The following FAM78B variants were observed in gnomAD, a reference collection of about 807,000 sequenced individuals.
FAM78B encodes protein FAM78B.
A neutral mutation model predicts 20.0 loss-of-function variants in FAM78B; 10 were observed. That is an observed-to-expected ratio of 0.50 (90% CI 0.31 to 0.85). The LOEUF (loss-of-function observed/expected upper bound fraction) is 0.85. FAM78B is among the 40% of genes least tolerant of loss of function. The pLI is 0.05. For synonymous variants in FAM78B, 135 were observed against 132.8 expected, an observed-to-expected ratio of 1.02 and a Z score of -0.12; for missense variants, 283 against 345.0, an observed-to-expected ratio of 0.82 and a Z score of 1.42.
At chr1:166,058,880 C>T (rs10800178) in exon 3 of FAM78B, 150,872 of 152,498 alleles carry the variant, frequency 0.99, 74,642 homozygotes, top group East Asian at 1. Context: ...GCATTGTGGA[C>T]CCAAATCCTA....
At chr1:166,084,385 G>T (rs1489138049) in intron 1 of FAM78B, among the ~76,000 whole-genome samples, 3 of 152,138 alleles carry the variant, frequency 2.0e-5, no homozygotes, top group Non-Finnish European at 4.4e-5. Flanking sequence ...TCCAAAGTGA[G>T]CCCTTTCACC....
At chr1:166,149,826 G>T (rs910698676) in intron 1 of FAM78B, among the ~76,000 whole-genome samples, 5 of 152,056 alleles carry the variant, frequency 3.3e-5, no homozygotes, top group Non-Finnish European at 5.9e-5. Context: ...CTGAGTGCAG[G>T]GTGATACTAG....
chr1:166,071,920 G>A (rs921143482), intron 1 of FAM78B, among the ~76,000 whole-genome samples: 1 of 152,194 alleles, frequency 6.6e-6, no homozygotes, highest in Admixed American at 6.5e-5. Context: ...TGGAGAACTG[G>A]ACTGGACCCC....
At chr1:166,118,966 A>C (rs1326431230) in intron 1 of FAM78B, among the ~76,000 whole-genome samples, 1 of 152,078 alleles carries the variant, frequency 6.6e-6, no homozygotes, top group Non-Finnish European at 1.5e-5. Context: ...AGGTGAAGTG[A>C]CTGGCCCAGG....
intron 1 of FAM78B, among the ~76,000 whole-genome samples, chr1:166,122,922 C>T (rs1301658362): frequency 6.6e-6 from 1 of 152,122 alleles, no homozygotes; most frequent in African/African-American, 2.4e-5. Context: ...ATCTGAGGCC[C>T]CTCTTTTATA....
At chr1:166,058,004 G>A (rs1317174707) in exon 3 of FAM78B, 1 of 151,906 alleles carries the variant, frequency 6.6e-6, no homozygotes, top group Non-Finnish European at 1.5e-5. Context: ...CCAATGCAAG[G>A]GAGGTATCTC....
intron 1 of FAM78B, among the ~76,000 whole-genome samples, chr1:166,146,313 T>C (rs958923478): frequency 6.6e-6 from 1 of 152,194 alleles, no homozygotes. Flanking sequence ...TTATGTTTAT[T>C]TAGGATACTT....
intron 1 of FAM78B, among the ~76,000 whole-genome samples, chr1:166,104,964 G>A (rs1653708435): frequency 6.6e-6 from 1 of 152,082 alleles, no homozygotes; most frequent in African/African-American, 2.4e-5. Flanking sequence ...ATACTACAAG[G>A]GTAGAGTAAC....
chr1:166,122,711 C>T (rs1350777165), intron 1 of FAM78B, among the ~76,000 whole-genome samples: 1 of 152,134 alleles, frequency 6.6e-6, no homozygotes, highest in Admixed American at 6.5e-5. Flanking sequence ...TTCTTAGCTG[C>T]CAAATGGGGA....
chr1:166,129,920 CT>C (rs1654813208), intron 1 of FAM78B, among the ~76,000 whole-genome samples: 1 of 152,208 alleles, frequency 6.6e-6, no homozygotes, highest in East Asian at 1.9e-4. Context: ...CATTCCAAGC[CT>C]CCGTAGACTG....
At chr1:166,156,539 C>A (rs1030860257) in intron 1 of FAM78B, among the ~76,000 whole-genome samples, 2 of 152,206 alleles carry the variant, frequency 1.3e-5, no homozygotes, top group Admixed American at 6.5e-5. Flanking sequence ...ATAATTTAAT[C>A]TCCTTAGGCC....
chr1:166,158,920 C>G (rs1013172588), intron 1 of FAM78B, among the ~76,000 whole-genome samples: 1 of 152,236 alleles, frequency 6.6e-6, no homozygotes, highest in Non-Finnish European at 1.5e-5. Context: ...TCAAAGGAGT[C>G]CATAATAACC....
chr1:166,074,615 G>C (rs552428219), intron 1 of FAM78B, among the ~76,000 whole-genome samples: 14 of 151,970 alleles, frequency 9.2e-5, no homozygotes, highest in Non-Finnish European at 1.8e-4. Flanking sequence ...ACTTGCATAC[G>C]ACAAAGTGTT....
At chr1:166,077,703 A>G (rs1571138527) in intron 1 of FAM78B, among the ~76,000 whole-genome samples, 2 of 122,420 alleles carry the variant, frequency 1.6e-5, no homozygotes, top group Admixed American at 8.0e-5. Flanking sequence ...TATATATAAT[A>G]AATACATATA....
At chr1:166,094,411 G>A (rs1653197315) in intron 1 of FAM78B, among the ~76,000 whole-genome samples, 1 of 152,208 alleles carries the variant, frequency 6.6e-6, no homozygotes, top group Non-Finnish European at 1.5e-5. Context: ...GCTCTCCACT[G>A]TGAAGTGTGC....
At chr1:166,121,162 T>C (rs933202688) in intron 1 of FAM78B, among the ~76,000 whole-genome samples, 1 of 152,196 alleles carries the variant, frequency 6.6e-6, no homozygotes, top group Non-Finnish European at 1.5e-5. Flanking sequence ...ATCAAAGACA[T>C]GTTGCACTAT....
intron 1 of FAM78B, among the ~76,000 whole-genome samples, chr1:166,074,466 G>A (rs929106700): frequency 1.3e-5 from 2 of 152,156 alleles, no homozygotes; most frequent in Non-Finnish European, 2.9e-5. Flanking sequence ...CAGGTTTCTT[G>A]AGCCTTGGAA....
At chr1:166,103,746 A>T (rs889540316) in intron 1 of FAM78B, among the ~76,000 whole-genome samples, 4 of 152,194 alleles carry the variant, frequency 2.6e-5, no homozygotes, top group Admixed American at 1.3e-4. Context: ...AGGTCCAGAT[A>T]GATTCACAGC....
intron 1 of FAM78B, among the ~76,000 whole-genome samples, chr1:166,080,692 G>A (rs1652531191): frequency 6.6e-6 from 1 of 152,352 alleles, no homozygotes; most frequent in African/African-American, 2.4e-5. Flanking sequence ...CACACCCTGA[G>A]CATTGAGGCT....
Sources: gnomAD v4.1 joint callset for allele counts (sites outside exome capture counted in the v4.1 genomes callset) on GRCh38, gnomAD v4.1.1 for gene constraint, MANE v1.5 for transcripts, NCBI Gene and HGNC (gene_info 2026-07-23, HGNC 2026-07-21) for gene names.